The following MIGA1 variants were observed in gnomAD, a reference collection of about 807,000 sequenced individuals.
The protein encoded by MIGA1 is mitoguardin 1.
Under a neutral mutation model 82.0 loss-of-function variants are expected in MIGA1, and 58 were observed. The observed-to-expected ratio is 0.71, with a 90% CI of 0.57 to 0.88. MIGA1 has a LOEUF of 0.88. Among genes scored for constraint, MIGA1 ranks in the 40% least tolerant of loss-of-function variants. The pLI, the probability that MIGA1 is intolerant of heterozygous loss-of-function variation, is 0.00. For synonymous variants in MIGA1, 249 were observed against 253.6 expected (o/e 0.98, Z 0.17); for missense variants, 751 against 749.1 (o/e 1.00, Z -0.03).
rs751742110 is a variant in MIGA1 at position 77,806,969 on chromosome 1, T to C, written c.511-6T>C. 1 of 1,603,006 alleles carries C rather than the reference T, an allele frequency of 6.2e-7. No homozygotes were observed. Among genetic ancestry groups the C allele is most frequent in the Non-Finnish European group, 8.5e-7 (1 of 1,174,348 alleles). Reference sequence around the variant, plus strand: ...TTGAAGTAACTTCTATCCATCTTAATTTTAGGTCCAGAGTGTCAATTCTTG... The same window carrying C: ...TTGAAGTAACTTCTATCCATCTTAACTTTAGGTCCAGAGTGTCAATTCTTG... On this transcript the variant is annotated splice_region_variant and splice_polypyrimidine_tract_variant and intron_variant, in intron 4 of 15. Coordinates refer to ENST00000370791, the MANE Select transcript of MIGA1 (RefSeq NM_198549.4).
At position 77,843,420 on chromosome 1, in the gene MIGA1, T is replaced by C; in HGVS notation, c.996+13T>C. 1 of 1,592,296 alleles carries C rather than the reference T, an allele frequency of 6.3e-7. No homozygotes were observed. Among genetic ancestry groups the C allele is most frequent in the Non-Finnish European group, 8.6e-7 (1 of 1,160,568 alleles). ...TTCCGCAGCAGAGGTAGGACATATG[T>C]GTTCCTAATGAGGATTTCTGTTTCT... On this transcript the variant is annotated intron_variant, in intron 8 of 15. Transcript: ENST00000370791.
intron 7 of MIGA1, among the ~76,000 whole-genome samples, chr1:77,818,401 G>A (rs111253179): frequency 1.4e-4 from 22 of 152,206 alleles, no homozygotes; most frequent in African/African-American, 5.3e-4. Flanking sequence ...GGGATTACAG[G>A]TGTGAGCCAC....
chr1:77,787,529 C>G (rs1399187738), intron 2 of MIGA1, among the ~76,000 whole-genome samples: 1 of 151,688 alleles, frequency 6.6e-6, no homozygotes, highest in Non-Finnish European at 1.5e-5. Context: ...GCTGAGATTA[C>G]AGGCGCCTGC....
At chr1:77,849,070 A>G (rs1684947678) in intron 8 of MIGA1, among the ~76,000 whole-genome samples, 1 of 152,206 alleles carries the variant, frequency 6.6e-6, no homozygotes, top group East Asian at 1.9e-4. Flanking sequence ...CCCTGTAGGT[A>G]CATAATGAGG....
In MIGA1 at chr1:77,829,446, G is replaced by T. The variant is rs190492279; in HGVS notation, c.896-13861G>T. 1.1e-4 allele frequency among the ~76,000 whole-genome samples: 17 copies of T among 152,108 alleles called. 1 individual carries two copies. The East Asian group carries it at 3.1e-3, about 28-fold the overall frequency. ...AGCCTTGGTAACAGAGTGAGACCCT[G>T]TCCCTTAAAAAATCTTCTAGAAGTT... is the stretch of plus-strand genomic sequence containing the variant. On this transcript the variant is annotated intron_variant, in intron 7 of 15. Transcript: ENST00000370791.
intron 2 of MIGA1, among the ~76,000 whole-genome samples, chr1:77,795,115 C>T (rs945317657): frequency 8.6e-5 from 13 of 151,904 alleles, no homozygotes; most frequent in Admixed American, 6.6e-4. Flanking sequence ...AGGCGCATGC[C>T]ACCATGCCCA....
At chr1:77,820,383 A>G (rs182521599) in intron 7 of MIGA1, among the ~76,000 whole-genome samples, 147 of 152,314 alleles carry the variant, frequency 9.7e-4, no homozygotes, top group African/African-American at 3.3e-3. Flanking sequence ...GATGCAGACT[A>G]ACTGGGTTCA....
chr1:77,825,714 C>A (rs1383966162), intron 7 of MIGA1, among the ~76,000 whole-genome samples: 1 of 152,042 alleles, frequency 6.6e-6, no homozygotes, highest in Non-Finnish European at 1.5e-5. Context: ...TTATTTGTAG[C>A]TTCTATTTTC....
chr1:77,812,904 G>A (rs536386564), intron 5 of MIGA1, among the ~76,000 whole-genome samples: 1 of 152,254 alleles, frequency 6.6e-6, no homozygotes, highest in South Asian at 2.1e-4. Flanking sequence ...GATCATAGTG[G>A]TTCAGGACAC....
At chr1:77,826,673 A>T (rs1263763189) in intron 7 of MIGA1, among the ~76,000 whole-genome samples, 1 of 152,122 alleles carries the variant, frequency 6.6e-6, no homozygotes, top group Non-Finnish European at 1.5e-5. Context: ...ACAGGATCTC[A>T]CTATGTTGCC....
chr1:77,843,575 A>G (rs1684706970), intron 8 of MIGA1, among the ~76,000 whole-genome samples, 168 bp downstream of exon 8: 1 of 152,220 alleles, frequency 6.6e-6, no homozygotes, highest in Non-Finnish European at 1.5e-5. Context: ...AAGCTCCTAC[A>G]GGAGCTTACA....
At chr1:77,847,191 GT>G in intron 8 of MIGA1, 1 of 1,305,774 alleles carries the variant, frequency 7.7e-7, no homozygotes, top group Non-Finnish European at 1.1e-6. Context: ...AACCGTCAGT[GT>G]TTGGGAATGA....
At chr1:77,782,240 TAA>T (rs1681953211) in intron 1 of MIGA1, among the ~76,000 whole-genome samples, 2 of 152,172 alleles carry the variant, frequency 1.3e-5, no homozygotes, top group South Asian at 4.1e-4. Context: ...TTGGTAGACA[TAA>T]ACATTGTGGT....
intron 14 of MIGA1, among the ~76,000 whole-genome samples, chr1:77,869,783 A>T: frequency 1.3e-5 from 1 of 78,976 alleles, no homozygotes; most frequent in Non-Finnish European, 2.4e-5. Context: ...GGCCGGGCAG[A>T]GGGGCTCCTC....
At chr1:77,837,016 G>A (rs966753609) in intron 7 of MIGA1, among the ~76,000 whole-genome samples, 4 of 152,008 alleles carry the variant, frequency 2.6e-5, no homozygotes, top group African/African-American at 9.7e-5. Flanking sequence ...AGTATTACTT[G>A]GACACGTAAT....
chr1:77,810,908 T>A, intron 5 of MIGA1: 1 of 1,611,984 alleles, frequency 6.2e-7, no homozygotes, highest in Non-Finnish European at 8.5e-7. Context: ...AGTGGTTTCT[T>A]GGTCAATAAT....
At chr1:77,848,311 AAGAG>A (rs1275642258) in intron 8 of MIGA1, 11 of 1,303,822 alleles carry the variant, frequency 8.4e-6, no homozygotes, top group South Asian at 7.6e-5. Flanking sequence ...GAGAACAAGA[AAGAG>A]AGACAACAAA....
At chr1:77,841,569 TA>T (rs1298651132) in intron 7 of MIGA1, among the ~76,000 whole-genome samples, 101 of 141,252 alleles carry the variant, frequency 7.2e-4, no homozygotes, top group Middle Eastern at 3.6e-3. Flanking sequence ...ATGCTTTGAA[TA>T]AAAAAAAAAA....
chr1:77,866,227 T>A, intron 13 of MIGA1, 111 bp from the exon 14 acceptor site: 1 of 960,934 alleles, frequency 1.0e-6, no homozygotes, highest in Non-Finnish European at 1.6e-6. Flanking sequence ...CTAGTTCTTA[T>A]TAGTAATGAA....
Sources: allele counts gnomAD v4.1 joint callset (sites outside exome capture counted in the v4.1 genomes callset), GRCh38; gene constraint gnomAD v4.1.1; transcripts MANE v1.5; gene names NCBI Gene and HGNC (gene_info 2026-07-23, HGNC 2026-07-21).